Variants in PTPRK observed in about 807,000 individuals in gnomAD.
PTPRK encodes protein tyrosine phosphatase receptor type K.
A neutral mutation model predicts 178.0 loss-of-function variants in PTPRK; 75 were observed. That is an observed-to-expected ratio of 0.42 (90% CI 0.35 to 0.51). The LOEUF is 0.51. Ranked by LOEUF, PTPRK falls within the 20% of genes least tolerant of loss-of-function variation. The pLI is 0.02. For synonymous variants in PTPRK, 637 were observed against 620.6 expected (o/e 1.03, Z -0.39); for missense variants, 1,441 against 1,797.8 (o/e 0.80, Z 3.59).
intron 2 of PTPRK, among the ~76,000 whole-genome samples, chr6:128,337,447 G>A (rs1469469471): frequency 6.6e-6 from 1 of 152,180 alleles, no homozygotes; most frequent in African/African-American, 2.4e-5. Flanking sequence ...ACAGGAAAAC[G>A]TGAAGTGGAG....
intron 3 of PTPRK, among the ~76,000 whole-genome samples, chr6:128,292,480 C>A (rs1333063442): frequency 6.6e-6 from 1 of 152,096 alleles, no homozygotes; most frequent in African/African-American, 2.4e-5. Flanking sequence ...TAAATTAGAG[C>A]ATAATGTATT....
In PTPRK at chr6:128,067,688, C is replaced by G. The variant is rs747546213; in HGVS notation, c.1988G>C (p.Ser663Thr). The change falls in exon 12 of 30, where the codon AGT becomes ACT. Residue 663 changes from serine to threonine, a missense_variant. By Grantham distance (58) the Ser-to-Thr change is moderately conservative. Coordinates refer to ENST00000368226, the MANE Select transcript of PTPRK (RefSeq NM_002844.4). The part of the protein sequence containing the change: ...QVPVTYQNAM[S>T]GGAPYYFAAE... ...AGCAAAGTAATACGGTGCACCCCCA[C>G]TCATGGCATTTTGGTATGTGACAGG... is the stretch of plus-strand genomic sequence containing the variant. 1.9e-6 allele frequency: 3 copies of G among 1,613,828 alleles called. No homozygotes were observed. In the East Asian group the frequency reaches 6.7e-5, roughly 36 times the overall value.
At chr6:128,378,077 C>T (rs1178745876) in intron 2 of PTPRK, among the ~76,000 whole-genome samples, 2 of 151,952 alleles carry the variant, frequency 1.3e-5, no homozygotes, top group Admixed American at 1.3e-4. Flanking sequence ...TTGAATTTAA[C>T]CACAAATATT....
chr6:128,260,231 C>T (rs1474913508), intron 3 of PTPRK, among the ~76,000 whole-genome samples: 1 of 151,750 alleles, frequency 6.6e-6, no homozygotes, highest in African/African-American at 2.4e-5. Context: ...CTAAATGTAA[C>T]AGAACAGGCT....
chr6:128,483,757 C>T (rs773380045), intron 1 of PTPRK, among the ~76,000 whole-genome samples: 1 of 152,132 alleles, frequency 6.6e-6, no homozygotes, highest in Non-Finnish European at 1.5e-5. Flanking sequence ...ATCAGATAGT[C>T]AGTGCCTGCA....
intron 3 of PTPRK, among the ~76,000 whole-genome samples, chr6:128,287,312 C>T (rs1010130466): frequency 6.6e-6 from 1 of 152,146 alleles, no homozygotes; most frequent in African/African-American, 2.4e-5. Flanking sequence ...AGACCATGTC[C>T]GAAAACTCTT....
chr6:128,072,590 T>C (rs904864052), intron 11 of PTPRK, among the ~76,000 whole-genome samples: 2 of 152,006 alleles, frequency 1.3e-5, no homozygotes, highest in African/African-American at 4.8e-5. Context: ...TACGCTGGGG[T>C]TGATAAATTA....
chr6:128,209,393 G>A (rs1392587188), intron 6 of PTPRK, among the ~76,000 whole-genome samples: 1 of 152,042 alleles, frequency 6.6e-6, no homozygotes, highest in Non-Finnish European at 1.5e-5. Flanking sequence ...TAGTTCACAA[G>A]AACATGTTTT....
chr6:128,091,103 T>A (rs908527911), intron 7 of PTPRK, among the ~76,000 whole-genome samples: 3 of 152,194 alleles, frequency 2.0e-5, no homozygotes, highest in African/African-American at 4.8e-5. Flanking sequence ...TAATGTGCAA[T>A]CTGAAATGAA....
rs565050801 is a variant in PTPRK at position 128,383,562 on chromosome 6, A to G, written c.223+14004T>C. On this transcript the variant is annotated intron_variant, in intron 2 of 29. Transcript: ENST00000368226. ...TATCATTCCATTTATGTATTCATTCAAAAATAATTTGAGTTCCAACATACT... is the reference window on the plus strand; with the variant it reads ...TATCATTCCATTTATGTATTCATTCGAAAATAATTTGAGTTCCAACATACT... 1.1e-4 allele frequency among the ~76,000 whole-genome samples: 17 copies of G among 152,326 alleles called. No individual in the cohort carries two copies. In the South Asian group the frequency reaches 3.5e-3, roughly 32 times the overall value.
intron 3 of PTPRK, among the ~76,000 whole-genome samples, chr6:128,270,297 C>G (rs917689453): frequency 3.9e-5 from 6 of 152,052 alleles, no homozygotes; most frequent in Non-Finnish European, 5.9e-5. Context: ...CTAGGATTTT[C>G]CTACTGAGGA....
intron 13 of PTPRK, among the ~76,000 whole-genome samples, chr6:128,053,396 C>A (rs1254489788): frequency 1.3e-5 from 2 of 152,012 alleles, no homozygotes; most frequent in Non-Finnish European, 2.9e-5. Flanking sequence ...GCTGTATGGG[C>A]CACCCTCTTG....
rs578097021 is a variant in PTPRK at position 128,233,141 on chromosome 6, G to A, written c.693+6894C>T. 2.2e-3 allele frequency among the ~76,000 whole-genome samples: 334 copies of A among 152,272 alleles called. 1 individual carries two copies. The highest frequency in any genetic ancestry group is 7.9e-3 in the African/African-American group (327 of 41,564). On this transcript the variant is annotated intron_variant, in intron 5 of 29. Transcript: ENST00000368226. ...AAAATCTCTTGCAGAAATTAAATAT[G>A]CTGCAAACATCTGGGCTTGCCAAAT...
At position 127,973,839 on chromosome 6, in the gene PTPRK, A is replaced by T; in HGVS notation, c.3970-12T>A. Reference sequence around the variant, plus strand: ...TAACCTTCCTGTGGCTGTAGAGGGAAGTGTTTTTATGTAAATACGCTGGGA... The same window carrying T: ...TAACCTTCCTGTGGCTGTAGAGGGATGTGTTTTTATGTAAATACGCTGGGA... On this transcript the variant is annotated splice_polypyrimidine_tract_variant and intron_variant, in intron 27 of 29. Coordinates refer to ENST00000368226, the MANE Select transcript of PTPRK (RefSeq NM_002844.4). 15 of 1,607,216 alleles carry T rather than the reference A, an allele frequency of 9.3e-6. No homozygotes were observed. The highest frequency in any genetic ancestry group is 1.3e-5 in the Non-Finnish European group (15 of 1,175,340).
At chr6:128,419,283 C>T (rs1843183626) in intron 1 of PTPRK, among the ~76,000 whole-genome samples, 1 of 152,142 alleles carries the variant, frequency 6.6e-6, no homozygotes, top group African/African-American at 2.4e-5. Flanking sequence ...TAAGTGTGGC[C>T]TTGAGCTGCC....
chr6:128,191,440 A>G (rs543633492), intron 6 of PTPRK, among the ~76,000 whole-genome samples: 1 of 152,182 alleles, frequency 6.6e-6, no homozygotes, highest in South Asian at 2.1e-4. Context: ...AGGGAAATGG[A>G]GAGATGTTCA....
At chr6:128,202,968 G>C (rs1806242603) in intron 6 of PTPRK, among the ~76,000 whole-genome samples, 1 of 152,028 alleles carries the variant, frequency 6.6e-6, no homozygotes, top group African/African-American at 2.4e-5. Flanking sequence ...GAAAACTTCA[G>C]GCCAACATCC....
chr6:127,979,599 T>C (rs368268932), intron 25 of PTPRK, among the ~76,000 whole-genome samples: 2 of 152,314 alleles, frequency 1.3e-5, no homozygotes, highest in South Asian at 2.1e-4. Context: ...ATGAGAGCTT[T>C]TCACAGGCAA....
chr6:128,510,014 A>C (rs1163774989), intron 1 of PTPRK, among the ~76,000 whole-genome samples: 1 of 152,256 alleles, frequency 6.6e-6, no homozygotes, highest in Non-Finnish European at 1.5e-5. Flanking sequence ...ACTGACAGTC[A>C]TCACATAAGG....
Sources: allele counts gnomAD v4.1 joint callset (sites outside exome capture counted in the v4.1 genomes callset), GRCh38; gene constraint gnomAD v4.1.1; transcripts MANE v1.5; gene names NCBI Gene and HGNC (gene_info 2026-07-23, HGNC 2026-07-21).